SPAG16: variants seen among roughly 807,000 people sequenced by gnomAD.
SPAG16 encodes the protein sperm-associated antigen 16 protein.
In SPAG16, 86 loss-of-function variants were observed where a neutral mutation model predicts 80.4. The observed-to-expected ratio is 1.07, with a 90% CI of 0.90 to 1.28. The LOEUF (loss-of-function observed/expected upper bound fraction) is 1.28. Among genes scored for constraint, SPAG16 ranks in the 50% most tolerant of loss-of-function variants. SPAG16 has a pLI of 0.00. For missense variants in SPAG16, 870 were observed against 765.3 expected (o/e 1.14, Z -1.61); for synonymous variants, 294 against 265.9 (o/e 1.11, Z -1.03).
intron 10 of SPAG16, among the ~76,000 whole-genome samples, chr2:213,706,617 G>T (rs1468671508): frequency 2.0e-5 from 3 of 152,154 alleles, no homozygotes; most frequent in Admixed American, 6.6e-5. Context: ...AGATTTTTCT[G>T]AAATCAAAAT....
intron 11 of SPAG16, among the ~76,000 whole-genome samples, chr2:213,882,458 G>GT (rs543661331): frequency 2.6e-5 from 4 of 151,788 alleles, no homozygotes; most frequent in African/African-American, 9.7e-5. Context: ...GGCTTTTTGG[G>GT]TTTTTTTCTG....
At chr2:213,749,503 G>A (rs901445987) in intron 10 of SPAG16, among the ~76,000 whole-genome samples, 2 of 152,158 alleles carry the variant, frequency 1.3e-5, no homozygotes, top group Non-Finnish European at 1.5e-5. Flanking sequence ...TGATGGTCCT[G>A]ATAGCACCCA....
At chr2:213,904,496 T>G (rs1049243394) in intron 11 of SPAG16, among the ~76,000 whole-genome samples, 1 of 151,286 alleles carries the variant, frequency 6.6e-6, no homozygotes, top group Admixed American at 6.6e-5. Flanking sequence ...TATCTCCCAC[T>G]TGGTCCCTCC....
intron 10 of SPAG16, among the ~76,000 whole-genome samples, chr2:213,690,403 G>C (rs904281963): frequency 6.6e-6 from 1 of 152,210 alleles, no homozygotes; most frequent in Non-Finnish European, 1.5e-5. Context: ...GAGGCAGAAG[G>C]GCAAGAGAGA....
intron 10 of SPAG16, among the ~76,000 whole-genome samples, chr2:213,836,530 C>T (rs2074093156): frequency 6.6e-6 from 1 of 151,994 alleles, no homozygotes; most frequent in Non-Finnish European, 1.5e-5. Flanking sequence ...TATCCAAATG[C>T]TCTTTATAAA....
chr2:213,665,314 A>G (rs983544955), intron 10 of SPAG16, among the ~76,000 whole-genome samples: 1 of 152,104 alleles, frequency 6.6e-6, no homozygotes, highest in Admixed American at 6.6e-5. Context: ...CAGGTACTTA[A>G]TATAAGTTGT....
chr2:213,936,369 G>A (rs1002039476), intron 12 of SPAG16, among the ~76,000 whole-genome samples: 1 of 152,178 alleles, frequency 6.6e-6, no homozygotes, highest in Non-Finnish European at 1.5e-5. Flanking sequence ...CCATTAGTGG[G>A]TTTTGAGCAG....
chr2:213,829,345 C>T (rs953498629), intron 10 of SPAG16, among the ~76,000 whole-genome samples: 5 of 152,062 alleles, frequency 3.3e-5, no homozygotes, highest in South Asian at 2.1e-4. Context: ...AGTGTCTCAT[C>T]GGTAAGCCTG....
intron 11 of SPAG16, among the ~76,000 whole-genome samples, chr2:213,885,636 G>T (rs2076526927): frequency 6.6e-6 from 1 of 152,150 alleles, no homozygotes; most frequent in Non-Finnish European, 1.5e-5. Flanking sequence ...TAGCCATGAG[G>T]TCTTTGTGTG....
intron 9 of SPAG16, among the ~76,000 whole-genome samples, chr2:213,404,407 A>G (rs1181391862): frequency 6.6e-6 from 1 of 152,192 alleles, no homozygotes; most frequent in African/African-American, 2.4e-5. Context: ...AATGCTGCAT[A>G]TCTACAACTA....
intron 10 of SPAG16, among the ~76,000 whole-genome samples, chr2:213,632,433 C>A (rs2062191647): frequency 6.6e-6 from 1 of 152,100 alleles, no homozygotes; most frequent in Admixed American, 6.5e-5. Flanking sequence ...AATTTGACTT[C>A]TTCCTTTCCA....
intron 15 of SPAG16, among the ~76,000 whole-genome samples, chr2:214,291,307 T>TTC (rs1300007371): frequency 8.3e-6 from 1 of 121,068 alleles, no homozygotes; most frequent in Non-Finnish European, 1.7e-5. Context: ...TTTCTTTTTT[T>TTC]TTTTTTTTTT....
chr2:213,380,963 T>A (rs1186118014), intron 9 of SPAG16, among the ~76,000 whole-genome samples: 2 of 152,204 alleles, frequency 1.3e-5, no homozygotes, highest in African/African-American at 4.8e-5. Context: ...ATAGGCCCAC[T>A]AGGCATTGTG....
intron 10 of SPAG16, among the ~76,000 whole-genome samples, chr2:213,626,361 C>T (rs1186788173): frequency 2.0e-5 from 3 of 151,696 alleles, no homozygotes; most frequent in East Asian, 3.9e-4. Flanking sequence ...TGTAAATACC[C>T]GGATTTTTAG....
intron 5 of SPAG16, among the ~76,000 whole-genome samples, chr2:213,322,560 A>G (rs2063671501): frequency 6.6e-6 from 1 of 151,950 alleles, no homozygotes; most frequent in Non-Finnish European, 1.5e-5. Flanking sequence ...GTGACATCAT[A>G]CTGTTCTGCC....
chr2:213,575,912 A>G (rs1282226109), intron 10 of SPAG16, among the ~76,000 whole-genome samples: 2 of 152,128 alleles, frequency 1.3e-5, no homozygotes, highest in East Asian at 1.9e-4. Flanking sequence ...AGATTACTTA[A>G]TTGATTCCTA....
chr2:214,220,168 G>A (rs1367560681), intron 15 of SPAG16, among the ~76,000 whole-genome samples: 5 of 152,086 alleles, frequency 3.3e-5, no homozygotes, highest in Non-Finnish European at 7.4e-5. Flanking sequence ...AAATATGTAA[G>A]TAACTATTTA....
intron 15 of SPAG16, among the ~76,000 whole-genome samples, chr2:214,298,263 C>A (rs1199959294): frequency 1.3e-5 from 2 of 151,810 alleles, no homozygotes; most frequent in African/African-American, 2.4e-5. Flanking sequence ...ATAGAAATGT[C>A]TCTGATTTTT....
intron 15 of SPAG16, among the ~76,000 whole-genome samples, chr2:214,179,246 G>A (rs1009273137): frequency 2.0e-5 from 3 of 151,250 alleles, no homozygotes; most frequent in Admixed American, 6.6e-5. Context: ...TTTATAGCCT[G>A]CATTGTTTCC....
Sources: gnomAD v4.1 joint callset for allele counts (sites outside exome capture counted in the v4.1 genomes callset) on GRCh38, gnomAD v4.1.1 for gene constraint, MANE v1.5 for transcripts, NCBI Gene and HGNC (gene_info 2026-07-23, HGNC 2026-07-21) for gene names.